The following TRIM48 variants were observed in gnomAD, a reference collection of about 807,000 sequenced individuals.
TRIM48 encodes the protein tripartite motif containing 48.
In TRIM48, 31 loss-of-function variants were observed where a neutral mutation model predicts 29.5. That is an observed-to-expected ratio of 1.05 (90% CI 0.79 to 1.42). TRIM48 has a LOEUF of 1.42. TRIM48 is among the 40% of genes most tolerant of loss of function. The pLI is 0.00. For missense variants in TRIM48, 344 were observed against 265.0 expected (o/e 1.30, Z -2.07); for synonymous variants, 128 against 90.6 (o/e 1.41, Z -2.34).
rs1315455761 is a variant in TRIM48 at position 55,270,470 on chromosome 11, G to A, written c.*35G>A. On this transcript the variant is annotated 3_prime_UTR_variant, in exon 6 of 6. Transcript: ENST00000417545. ...ACTCTGCATCACAATGAAGCCAACA[G>A]TCATATCTTCCGATGTGGAGATTTG... 1 of 1,549,808 alleles carries A rather than the reference G, an allele frequency of 6.5e-7. No individual in the cohort carries two copies. The highest frequency in any genetic ancestry group is 8.8e-7 in the Non-Finnish European group (1 of 1,141,106).
chr11:55,262,241 T>C lies in TRIM48; in HGVS notation c.-27T>C, dbSNP rs1230028774. ...CTCAGTACTGCAGCGAATGAGCTCC[T>C]GACCTTGAGGAGTACTTAACAGAAT... On this transcript the variant is annotated 5_prime_UTR_variant, in exon 1 of 6. An upstream open reading frame in the 5' UTR loses its in-frame stop. Coordinates refer to ENST00000417545, the MANE Select transcript of TRIM48 (RefSeq NM_024114.5). The C allele has an allele frequency of 6.5e-7, 1 of 1,546,842 alleles. No individual in the cohort carries two copies. The highest frequency in any genetic ancestry group is 1.4e-5 in the African/African-American group (1 of 73,018).
intron 1 of TRIM48, 135 bp downstream of exon 1, chr11:55,262,446 T>A: frequency 1.4e-6 from 1 of 709,852 alleles, no homozygotes; most frequent in South Asian, 1.9e-5. Context: ...CTATAGATTT[T>A]ATGAATTATG....
chr11:55,265,935 C>T (rs1347724605), intron 3 of TRIM48, among the ~76,000 whole-genome samples: 1 of 147,430 alleles, frequency 6.8e-6, no homozygotes, highest in Admixed American at 6.9e-5. Flanking sequence ...TTCATACAAA[C>T]CTGTAGCTAT....
intron 1 of TRIM48, 62 bp downstream of exon 1, chr11:55,262,373 G>A: frequency 8.3e-7 from 1 of 1,211,502 alleles, no homozygotes; most frequent in Non-Finnish European, 1.2e-6. Context: ...ATAAATTAGA[G>A]TGTTAAAAAT....
chr11:55,266,245 T>C (rs1857390551), intron 3 of TRIM48, among the ~76,000 whole-genome samples: 1 of 147,578 alleles, frequency 6.8e-6, no homozygotes, highest in Admixed American at 6.9e-5. Context: ...TGGATTTGTG[T>C]CTTGAGGGAG....
intron 3 of TRIM48, among the ~76,000 whole-genome samples, chr11:55,268,141 T>A (rs1434308032): frequency 6.8e-6 from 1 of 147,560 alleles, no homozygotes; most frequent in Non-Finnish European, 1.5e-5. Context: ...TTGGAGAATG[T>A]CTTCAAGACT....
intron 5 of TRIM48, 28 bp downstream of exon 5, chr11:55,269,367 C>A: frequency 1.3e-6 from 2 of 1,565,182 alleles, no homozygotes; most frequent in Non-Finnish European, 1.7e-6. Flanking sequence ...GGCAGCACCC[C>A]CACTATCTAA....
At chr11:55,264,280 G>GT (rs1291987800) in intron 1 of TRIM48, among the ~76,000 whole-genome samples, 2 of 147,768 alleles carry the variant, frequency 1.4e-5, no homozygotes, top group South Asian at 2.4e-4. Flanking sequence ...TTTAATTGCT[G>GT]TTTTTTATTT....
intron 3 of TRIM48, among the ~76,000 whole-genome samples, 172 bp downstream of exon 3, chr11:55,265,867 C>CTAT (rs1174870359): frequency 2.1e-5 from 3 of 145,226 alleles, no homozygotes; most frequent in African/African-American, 5.0e-5. Flanking sequence ...AATAGTGTGA[C>CTAT]TATTAGATGG....
chr11:55,270,645 T>A lies in TRIM48; in HGVS notation c.*210T>A, dbSNP rs1707956361. On this transcript the variant is annotated 3_prime_UTR_variant, in exon 6 of 6. Coordinates refer to ENST00000417545, the MANE Select transcript of TRIM48 (RefSeq NM_024114.5). The stretch of plus-strand genomic sequence containing the variant: ...GGGACTCTTGGAATTGGGCTTTTGG[T>A]GTCTGTAATAAGTATTGGAAAGGGA... 4 of 1,580,272 alleles carry A rather than the reference T, an allele frequency of 2.5e-6. No individual in the cohort carries two copies. Among genetic ancestry groups the A allele is most frequent in the African/African-American group, 2.7e-5 (2 of 73,408 alleles).
chr11:55,262,435 A>G (rs942133299), intron 1 of TRIM48, 124 bp downstream of exon 1: 1 of 731,614 alleles, frequency 1.4e-6, no homozygotes, highest in African/African-American at 1.8e-5. Context: ...TCATATTCTT[A>G]CTATAGATTT....
rs192568269 is a variant in TRIM48, at chr11:55,262,174, G to C, written c.-94G>C. On this transcript the variant is annotated 5_prime_UTR_variant, in exon 1 of 6. Coordinates refer to ENST00000417545, the MANE Select transcript of TRIM48 (RefSeq NM_024114.5). ...AAGCTCAGTTTTCTCCAAAGGAGAAGGAGTGCACTTAGAGGGAGCTGTGTT... is the reference window on the plus strand; with the variant it reads ...AAGCTCAGTTTTCTCCAAAGGAGAACGAGTGCACTTAGAGGGAGCTGTGTT... The C allele has an allele frequency of 5.4e-6, 5 of 934,146 alleles. No homozygotes were observed. The highest frequency in any genetic ancestry group is 8.5e-6 in the Non-Finnish European group (5 of 586,534). 57.9% of individuals were successfully genotyped at this position (934,146 alleles called of 1,614,324 possible).
rs1392729126 is a variant in TRIM48 at position 55,262,279 on chromosome 11, A to T, written c.12A>T (p.Arg4Ser). The T allele has an allele frequency of 1.3e-6, 2 of 1,548,846 alleles. No homozygotes were observed. The highest frequency in any genetic ancestry group is 1.2e-5 in the South Asian group (1 of 83,964). Residue 4 changes from arginine to serine, a missense_variant, in exon 1 of 6, where the codon AGA (arginine) becomes AGT (serine). By Grantham distance (110) the Arg-to-Ser change is moderately radical (BLOSUM62 -1). Coordinates refer to ENST00000417545, the MANE Select transcript of TRIM48 (RefSeq NM_024114.5). MSRRIIVGTLQRTQ... is the reference protein window; with the variant it reads MSRSIIVGTLQRTQ... ...TACTTAACAGAATTATGTCTCGAAG[A>T]ATCATTGTGGGAACCCTTCAAAGAA...
rs1485068681 is a variant in TRIM48 at position 55,271,054 on chromosome 11, A to C, written c.*619A>C. On this transcript the variant is annotated 3_prime_UTR_variant, in exon 6 of 6. Coordinates refer to ENST00000417545, the MANE Select transcript of TRIM48 (RefSeq NM_024114.5). ...GGTTCGGTTTTATGTCTTGAATTGC[A>C]TTCTAATGTTATTAAAACTCATTTA... 2.7e-5 allele frequency: 36 copies of C among 1,310,262 alleles called. 3 individuals are homozygous for C. The highest frequency in any genetic ancestry group is 3.3e-5 in the Non-Finnish European group (32 of 963,112). 81.2% of individuals were successfully genotyped at this position (1,310,262 alleles called of 1,614,324 possible). A position where few individuals can be genotyped will look rare whatever the true frequency, so the allele number is the denominator to read the frequency against.
Position 55,262,293 on chromosome 11 carries a change from C to T in TRIM48, c.26C>T (p.Thr9Ile), listed in dbSNP as rs960667279. The change falls in exon 1 of 6, where the codon ACC (threonine) becomes ATC (isoleucine). Residue 9 changes from threonine (T) to isoleucine (I), a missense_variant. By Grantham distance (89) the Thr-to-Ile change is moderately conservative (BLOSUM62 -1). Coordinates refer to ENST00000417545, the MANE Select transcript of TRIM48 (RefSeq NM_024114.5). ...ATGTCTCGAAGAATCATTGTGGGAA[C>T]CCTTCAAAGAACCCAGCGGTGAGTG... Reference protein sequence around the residue: MSRRIIVGTLQRTQRNMNS... With the variant: MSRRIIVGILQRTQRNMNS... 3 of 1,548,480 alleles carry T rather than the reference C, an allele frequency of 1.9e-6. No individual in the cohort carries two copies. Among genetic ancestry groups the T allele is most frequent in the African/African-American group, 1.4e-5 (1 of 72,904 alleles).
rs1857420273 is a variant in TRIM48, at chr11:55,268,071, G to GTA, written c.556-278_556-277dup. On this transcript the variant is annotated intron_variant, in intron 3 of 5. Transcript: ENST00000417545. Reference sequence around the variant, plus strand: ...AATAGGTTCTGGGAAAGATGACCGAGTAGGTTATTCGAGGTTACCATGGAG... The same window carrying GTA: ...AATAGGTTCTGGGAAAGATGACCGAGTATAGGTTATTCGAGGTTACCATGGAG... 1.4e-5 allele frequency among the ~76,000 whole-genome samples: 2 copies of GTA among 147,796 alleles called. 1 individual carries two copies. Among genetic ancestry groups the GTA allele is most frequent in the Admixed American group, 1.4e-4 (2 of 14,584 alleles).
chr11:55,263,195 AT>A (rs1179365006), intron 1 of TRIM48, among the ~76,000 whole-genome samples: 1 of 152,182 alleles, frequency 6.6e-6, no homozygotes, highest in Non-Finnish European at 1.5e-5. Flanking sequence ...AAATGTTTAC[AT>A]ACTAAATAAT....
intron 5 of TRIM48, among the ~76,000 whole-genome samples, chr11:55,269,947 T>C (rs1262507966): frequency 6.8e-6 from 1 of 147,724 alleles, no homozygotes; most frequent in Non-Finnish European, 1.5e-5. Flanking sequence ...ACAGAGAGAC[T>C]GGTAAAAGAT....
intron 3 of TRIM48, among the ~76,000 whole-genome samples, chr11:55,267,869 GTAACAGCCCCAA>G (rs1211580474): frequency 6.8e-6 from 1 of 147,828 alleles, no homozygotes; most frequent in Non-Finnish European, 1.5e-5. Context: ...AATGGTCAAG[GTAACAGCCCCAA>G]TAACTATTCC....
Sources: allele counts gnomAD v4.1 joint callset (sites outside exome capture counted in the v4.1 genomes callset), GRCh38; gene constraint gnomAD v4.1.1; transcripts MANE v1.5; gene names NCBI Gene and HGNC (gene_info 2026-07-23, HGNC 2026-07-21).